SHTN1: variants seen among roughly 807,000 people sequenced by gnomAD.
SHTN1 encodes the protein shootin 1.
Under a neutral mutation model 83.1 loss-of-function variants are expected in SHTN1, and 42 were observed. The observed-to-expected ratio is 0.51, with a 90% CI of 0.39 to 0.65. The LOEUF is 0.65. SHTN1 is among the 30% of genes least tolerant of loss of function. SHTN1 has a pLI of 0.00. For synonymous variants in SHTN1, 224 were observed against 247.7 expected (o/e 0.90, Z 0.90); for missense variants, 622 against 737.8 (o/e 0.84, Z 1.82).
chr10:116,942,014 C>T (rs1381906742), intron 8 of SHTN1, among the ~76,000 whole-genome samples: 1 of 152,170 alleles, frequency 6.6e-6, no homozygotes, highest in East Asian at 1.9e-4. Context: ...AACCCACATT[C>T]TTCTTCCATT....
intron 12 of SHTN1, among the ~76,000 whole-genome samples, chr10:116,917,738 G>C (rs773493433): frequency 3.9e-5 from 6 of 152,320 alleles, no homozygotes; most frequent in Non-Finnish European, 8.8e-5. Context: ...ATTTAAAGTA[G>C]TTTCTTATAT....
At chr10:117,059,856 T>C (rs570435994) in intron 1 of SHTN1, among the ~76,000 whole-genome samples, 1 of 152,176 alleles carries the variant, frequency 6.6e-6, no homozygotes, top group Non-Finnish European at 1.5e-5. Flanking sequence ...ACATAGAATC[T>C]CTCTGTATTA....
chr10:116,949,838 C>T (rs775186742), intron 6 of SHTN1, among the ~76,000 whole-genome samples: 6 of 151,320 alleles, frequency 4.0e-5, no homozygotes, highest in Admixed American at 6.6e-5. Context: ...TGTCTATCAA[C>T]GAAAGAGAAT....
intron 1 of SHTN1, among the ~76,000 whole-genome samples, chr10:117,111,770 T>C (rs1035668203): frequency 3.9e-5 from 6 of 152,062 alleles, no homozygotes; most frequent in African/African-American, 1.4e-4. Context: ...AAACTCTCAA[T>C]GTTCTTGTCA....
chr10:116,960,026 T>C, intron 4 of SHTN1, 110 bp downstream of exon 4: 1 of 633,680 alleles, frequency 1.6e-6, no homozygotes. Flanking sequence ...ATCATCAGAG[T>C]AGATAATCGA....
intron 16 of SHTN1, chr10:116,900,913 T>C (rs1343093683): frequency 4.1e-6 from 4 of 985,470 alleles, no homozygotes; most frequent in Non-Finnish European, 4.8e-6. Flanking sequence ...AAAATACCAG[T>C]TGGCAAAAAT....
At chr10:116,945,850 TTAAAA>T (rs1849555890) in intron 7 of SHTN1, among the ~76,000 whole-genome samples, 1 of 152,144 alleles carries the variant, frequency 6.6e-6, no homozygotes, top group South Asian at 2.1e-4. Context: ...AGGATACTAC[TTAAAA>T]TAATTTTAGT....
chr10:116,999,831 T>C (rs1396113853), intron 1 of SHTN1, among the ~76,000 whole-genome samples: 2 of 152,278 alleles, frequency 1.3e-5, no homozygotes, highest in African/African-American at 4.8e-5. Context: ...AAGAATTGCT[T>C]GAACCTGGGA....
Position 116,996,791 on chromosome 10 carries a change from A to G in SHTN1, c.58+8231T>C, listed in dbSNP as rs537150388. Among the ~76,000 whole-genome samples, 5 of 152,330 alleles carry G rather than the reference A, an allele frequency of 3.3e-5. 1 individual carries two copies. Among genetic ancestry groups the G allele is most frequent in the Admixed American group, 2.0e-4 (3 of 15,314 alleles). On this transcript the variant is annotated intron_variant, in intron 1 of 16. Transcript: ENST00000355371. ...GTCTCAGGACTAAGAGACTGACTCA[A>G]TAAGATATGAGACAATATACTTAAA... is the stretch of plus-strand genomic sequence containing the variant.
intron 2 of SHTN1, among the ~76,000 whole-genome samples, chr10:117,025,662 T>TGAGGA (rs757722115): frequency 6.6e-6 from 1 of 151,958 alleles, no homozygotes; most frequent in African/African-American, 2.4e-5. Flanking sequence ...TCCCACCGCT[T>TGAGGA]GAGGAGAGGA....
intron 1 of SHTN1, among the ~76,000 whole-genome samples, chr10:117,062,255 G>A (rs989562561): frequency 6.6e-6 from 1 of 152,160 alleles, no homozygotes; most frequent in Non-Finnish European, 1.5e-5. Context: ...ATGATTTATA[G>A]GTAAAAGTGA....
chr10:116,968,581 G>A, intron 3 of SHTN1, 71 bp downstream of exon 3: 2 of 1,101,222 alleles, frequency 1.8e-6, no homozygotes, highest in South Asian at 1.3e-5. Context: ...ACTCAATAGG[G>A]TATAAGTCTA....
At chr10:117,040,955 T>G (rs566178679) in intron 2 of SHTN1, among the ~76,000 whole-genome samples, 1 of 152,030 alleles carries the variant, frequency 6.6e-6, no homozygotes, top group East Asian at 1.9e-4. Context: ...ATCTTAAAAT[T>G]TTTTTATTAT....
chr10:116,888,800 T>A (rs530463809), intron 16 of SHTN1, among the ~76,000 whole-genome samples: 56 of 152,286 alleles, frequency 3.7e-4, no homozygotes, highest in East Asian at 9.6e-4. Context: ...TTAAAAAAAA[T>A]TTTTTTAAGA....
At chr10:116,979,031 T>C (rs1850914351) in intron 2 of SHTN1, among the ~76,000 whole-genome samples, 1 of 152,240 alleles carries the variant, frequency 6.6e-6, no homozygotes, top group South Asian at 2.1e-4. Context: ...GCCATGTAGT[T>C]AATCTCCCAG....
At chr10:116,957,055 C>G (rs1008599255) in intron 4 of SHTN1, among the ~76,000 whole-genome samples, 2 of 151,970 alleles carry the variant, frequency 1.3e-5, no homozygotes, top group African/African-American at 4.8e-5. Context: ...TTCCAAAGCA[C>G]TGGGATTACA....
At chr10:116,961,361 T>C (rs182969005) in intron 3 of SHTN1, among the ~76,000 whole-genome samples, 133 of 152,252 alleles carry the variant, frequency 8.7e-4, no homozygotes, top group African/African-American at 3.1e-3. Flanking sequence ...CAGCACTAAA[T>C]GGCCAGAAAC....
Position 116,979,295 on chromosome 10 carries a change from A to G in SHTN1, c.72T>C (p.Tyr24=). The change falls in exon 2 of 17, where the codon TAT becomes TAC. Residue 24 remains tyrosine (Y), a synonymous_variant. Coordinates refer to ENST00000355371, the MANE Select transcript of SHTN1 (RefSeq NM_001127211.3). ...TSLKEQAIGE[Y]EDLRAENQKT... is the part of the protein sequence containing the mutation. ...TCTGGTTCTCTGCTCTAAGGTCTTC[A>G]TATTCGCCTATTGCTAAAAGAAAAA... 1 of 1,613,834 alleles carries G rather than the reference A, an allele frequency of 6.2e-7. No homozygotes were observed. Among genetic ancestry groups the G allele is most frequent in the East Asian group, 2.2e-5 (1 of 44,888 alleles).
intron 2 of SHTN1, among the ~76,000 whole-genome samples, chr10:117,022,750 G>A (rs1274036393): frequency 2.0e-5 from 3 of 152,152 alleles, no homozygotes; most frequent in East Asian, 3.9e-4. Context: ...GTGAAACTTC[G>A]TCTTTATTAA....
Sources: gnomAD v4.1 joint callset for allele counts (sites outside exome capture counted in the v4.1 genomes callset) on GRCh38, gnomAD v4.1.1 for gene constraint, MANE v1.5 for transcripts, NCBI Gene and HGNC (gene_info 2026-07-23, HGNC 2026-07-21) for gene names.